PPIL1: variants seen among roughly 807,000 people sequenced by gnomAD.
PPIL1 encodes the protein peptidylprolyl isomerase like 1.
Under a neutral mutation model 19.4 loss-of-function variants are expected in PPIL1, and 14 were observed. The observed-to-expected ratio is 0.72, with a 90% confidence interval of 0.48 to 1.13. The LOEUF (loss-of-function observed/expected upper bound fraction) is 1.13. Among genes scored for constraint, PPIL1 ranks in the 50% most tolerant of loss-of-function variants. The pLI, the probability that PPIL1 is intolerant of heterozygous loss-of-function variation, is 0.00. For synonymous variants in PPIL1, 72 were observed against 73.6 expected, an observed-to-expected ratio of 0.98 and a Z score of 0.11; for missense variants, 192 against 218.0, an observed-to-expected ratio of 0.88 and a Z score of 0.75.
intron 1 of PPIL1, among the ~76,000 whole-genome samples, chr6:36,874,030 G>A (rs1404644552): frequency 1.3e-5 from 2 of 152,236 alleles, no homozygotes; most frequent in East Asian, 3.8e-4. Flanking sequence ...CTAGCAAGGT[G>A]AGACGAGCAC....
At chr6:36,874,641 G>A in intron 1 of PPIL1, 76 bp downstream of exon 1, 2 of 1,562,732 alleles carry the variant, frequency 1.3e-6, no homozygotes, top group Non-Finnish European at 1.8e-6. Flanking sequence ...GGAGGAACGC[G>A]CCAGGAACGC....
In PPIL1 at chr6:36,855,958, G is replaced by T; in HGVS notation, c.356C>A (p.Thr119Asn). 6.2e-7 allele frequency: 1 copy of T among 1,614,224 alleles called. No homozygotes were observed. The highest frequency in any genetic ancestry group is 1.7e-5 in the Admixed American group (1 of 60,028). ...GSQFFVTLAP[T>N]QWLDGKHTIF... ...GGTGTGTTTGCCGTCAAGCCACTGG[G>T]TGGGGGCGAGGGTCACAAAGAACTG... The change falls in exon 4 of 4, where the codon ACC (threonine) becomes AAC (asparagine). Residue 119 changes from threonine (T) to asparagine (N), a missense_variant. By Grantham distance (65) the Thr-to-Asn change is moderately conservative. Transcript: ENST00000373699.
chr6:36,866,111 A>C (rs1447775059), intron 2 of PPIL1, among the ~76,000 whole-genome samples: 8 of 152,236 alleles, frequency 5.3e-5, no homozygotes, highest in Non-Finnish European at 1.0e-4. Flanking sequence ...TCTTACAGAG[A>C]GGACAGAAAG....
chr6:36,861,742 G>C (rs1429097579), intron 2 of PPIL1, among the ~76,000 whole-genome samples: 2 of 149,964 alleles, frequency 1.3e-5, no homozygotes, highest in East Asian at 3.9e-4. Flanking sequence ...TGTGGCCCAG[G>C]CTGGAGTGCA....
intron 1 of PPIL1, among the ~76,000 whole-genome samples, chr6:36,873,587 G>A (rs1267373405): frequency 6.6e-6 from 1 of 152,148 alleles, no homozygotes; most frequent in Non-Finnish European, 1.5e-5. Context: ...ACATTGCTTG[G>A]ATTTAACAAT....
chr6:36,860,264 G>GA (rs1774255875), intron 2 of PPIL1, among the ~76,000 whole-genome samples: 1 of 152,016 alleles, frequency 6.6e-6, no homozygotes, highest in Non-Finnish European at 1.5e-5. Flanking sequence ...CCCAGGAGTT[G>GA]AGACCAGCCT....
chr6:36,856,470 C>A, intron 3 of PPIL1, 116 bp downstream of exon 3: 1 of 929,204 alleles, frequency 1.1e-6, no homozygotes, highest in Non-Finnish European at 1.7e-6. Context: ...GGCGCCATGG[C>A]TGGGCAGCTA....
chr6:36,863,082 G>T (rs1774322316), intron 2 of PPIL1, among the ~76,000 whole-genome samples: 1 of 152,194 alleles, frequency 6.6e-6, no homozygotes, highest in Admixed American at 6.5e-5. Context: ...GACAGCATAT[G>T]GAAGCTATCT....
intron 2 of PPIL1, among the ~76,000 whole-genome samples, chr6:36,867,650 A>G (rs1439925148): frequency 1.3e-5 from 2 of 152,190 alleles, no homozygotes; most frequent in African/African-American, 4.8e-5. Flanking sequence ...CTTGGGGACT[A>G]CCCAGAGCCT....
intron 2 of PPIL1, among the ~76,000 whole-genome samples, chr6:36,866,424 A>C (rs967342408): frequency 3.9e-5 from 6 of 152,080 alleles, no homozygotes; most frequent in African/African-American, 1.4e-4. Flanking sequence ...GTGTCACCTA[A>C]TCAGCTAGAA....
Position 36,855,888 on chromosome 6 carries a change from C to T in PPIL1, c.426G>A (p.Val142=). 1 of 1,614,104 alleles carries T rather than the reference C, an allele frequency of 6.2e-7. No homozygotes were observed. Among genetic ancestry groups the T allele is most frequent in the Non-Finnish European group, 8.5e-7 (1 of 1,180,002 alleles). Residue 142 remains valine (V), a synonymous_variant, in exon 4 of 4, where the codon GTG becomes GTA. Coordinates refer to ENST00000373699, the MANE Select transcript of PPIL1 (RefSeq NM_016059.5). ...VCQGIGMVNR[V]GMVETNSQDR... Reference sequence around the variant, plus strand: ...CCTGGGAGTTTGTTTCTACCATTCCCACGCGATTCACCATTCCTATGCCCT... The same window carrying T: ...CCTGGGAGTTTGTTTCTACCATTCCTACGCGATTCACCATTCCTATGCCCT...
At position 36,874,765 on chromosome 6, in the gene PPIL1, G is replaced by A. The variant is rs201439954; in HGVS notation, c.8C>T (p.Ala3Val). The A allele has an allele frequency of 3.7e-5, 60 of 1,614,076 alleles. 1 individual carries two copies. The highest frequency in any genetic ancestry group is 3.3e-4 in the East Asian group (15 of 44,884). ...TGGCTGCCAGGAATCTGGGGGAATT[G>A]CCGCCATAGCGAAGCCGGCGGCGGA... MA[A>V]IPPDSWQPPN... The change falls in exon 1 of 4, where the codon GCA (alanine) becomes GTA (valine). Residue 3 changes from alanine (A) to valine (V), a missense_variant. Transcript: ENST00000373699.
chr6:36,862,526 C>T (rs916621811), intron 2 of PPIL1, among the ~76,000 whole-genome samples: 3 of 152,354 alleles, frequency 2.0e-5, no homozygotes, highest in Non-Finnish European at 4.4e-5. Flanking sequence ...AACAGACATA[C>T]TCTTTTGTCC....
intron 1 of PPIL1, among the ~76,000 whole-genome samples, chr6:36,872,896 A>G (rs746383731): frequency 1.1e-4 from 16 of 152,208 alleles, no homozygotes; most frequent in Non-Finnish European, 1.8e-4. Flanking sequence ...GATGTGAGCT[A>G]TGGCACCTGG....
rs1236314117 is a variant in PPIL1, at chr6:36,855,909, G to GCAA, written c.404_405insTTG (p.Gly135_Ile136insCys). 1.2e-6 allele frequency: 2 copies of GCAA among 1,614,030 alleles called. No individual in the cohort carries two copies. Among genetic ancestry groups the GCAA allele is most frequent in the Non-Finnish European group, 1.7e-6 (2 of 1,180,028 alleles). The stretch of plus-strand genomic sequence containing the variant: ...TTCCCACGCGATTCACCATTCCTAT[G>GCAA]CCCTGACACACTCGGCCAAAAATGG... On this transcript the variant is annotated inframe_insertion, in exon 4 of 4. Transcript: ENST00000373699.
intron 2 of PPIL1, among the ~76,000 whole-genome samples, chr6:36,858,133 C>A (rs1774205322): frequency 6.8e-6 from 1 of 146,364 alleles, no homozygotes; most frequent in South Asian, 2.2e-4. Context: ...ACTTGGGAGG[C>A]TGAGGCAGGA....
chr6:36,868,603 C>A (rs749046379), intron 2 of PPIL1, among the ~76,000 whole-genome samples: 1 of 152,080 alleles, frequency 6.6e-6, no homozygotes, highest in Non-Finnish European at 1.5e-5. Flanking sequence ...TTTGGAAGGC[C>A]GAGGCAGGAG....
rs778790886 is a variant in PPIL1 at position 36,856,048 on chromosome 6, G to A, written c.281-15C>T. On this transcript the variant is annotated splice_polypyrimidine_tract_variant and intron_variant, in intron 3 of 3. Transcript: ENST00000373699. ...AATTCCAGCCCCTGGTGGGAAAAAG[G>A]AAGAAAGGAAAGAGTATAAATAACC... 2 of 1,611,168 alleles carry A rather than the reference G, an allele frequency of 1.2e-6. No homozygotes were observed. Among genetic ancestry groups the A allele is most frequent in the Admixed American group, 3.4e-5 (2 of 59,634 alleles).
intron 2 of PPIL1, among the ~76,000 whole-genome samples, chr6:36,857,411 G>A (rs1168305752): frequency 2.6e-5 from 4 of 152,168 alleles, no homozygotes; most frequent in Non-Finnish European, 4.4e-5. Context: ...TCAGCACTTT[G>A]GGAAGCTGAG....
Sources: allele counts gnomAD v4.1 joint callset (sites outside exome capture counted in the v4.1 genomes callset), GRCh38; gene constraint gnomAD v4.1.1; transcripts MANE v1.5; gene names NCBI Gene and HGNC (gene_info 2026-07-23, HGNC 2026-07-21).